The following ERVV-2 variants were observed in gnomAD, a reference collection of about 807,000 sequenced individuals.
The protein encoded by ERVV-2 is endogenous retrovirus group V member 2 Env polyprotein.
For missense variants in ERVV-2, 291 were observed against 495.1 expected (o/e 0.59, Z 3.91); for synonymous variants, 105 against 184.6 (o/e 0.57, Z 3.49).
rs566259081 is a variant in ERVV-2 at position 53,048,862 on chromosome 19, A to C, written c.-385-5A>C. The stretch of plus-strand genomic sequence containing the variant: ...CCTTTACTGTCTTACTTTCCACCCC[A>C]ACAGCTATCAACATTTCTGGCATCT... On this transcript the variant is annotated splice_region_variant and splice_polypyrimidine_tract_variant and intron_variant, in intron 1 of 1. Transcript: ENST00000601417. The C allele has an allele frequency of 2.7e-6, 1 of 367,802 alleles. No individual in the cohort carries two copies. The highest frequency in any genetic ancestry group is 2.1e-5 in the African/African-American group (1 of 47,294). 22.8% of individuals were successfully genotyped at this position (367,802 alleles called of 1,614,324 possible). A position where few individuals can be genotyped will look rare whatever the true frequency, so the allele number is the denominator to read the frequency against.
Position 53,051,060 on chromosome 19 carries a change from A to G in ERVV-2, c.*201A>G. ...AAAGGAATCTTTAGAAACGCAGCCCACTGATAGCTTCCTTGGTGATGCTGC... is the reference window on the plus strand; with the variant it reads ...AAAGGAATCTTTAGAAACGCAGCCCGCTGATAGCTTCCTTGGTGATGCTGC... On this transcript the variant is annotated 3_prime_UTR_variant, in exon 2 of 2. Transcript: ENST00000601417. 3 of 530,462 alleles carry G rather than the reference A, an allele frequency of 5.7e-6. No homozygotes were observed. The highest frequency in any genetic ancestry group is 9.8e-6 in the Non-Finnish European group (3 of 304,614). The allele number at this position is 530,462 out of a possible 1,614,324, so 32.9% of individuals were successfully genotyped here.
At position 53,050,745 on chromosome 19, in the gene ERVV-2, A is replaced by G. The variant is rs892937788; in HGVS notation, c.1494A>G (p.Gln498=). The change falls in exon 2 of 2, where the codon CAA becomes CAG. Residue 498 remains glutamine, a synonymous_variant. Coordinates refer to ENST00000601417, the MANE Select transcript of ERVV-2 (RefSeq NM_001191055.2). ...RIKQFHMKSP[Q]MERYQLSVIG... ...AGCAATTTCACATGAAGTCCCCCCA[A>G]ATGGAAAGATATCAGCTATCTGTCA... The G allele has an allele frequency of 1.3e-6, 2 of 1,536,136 alleles. No individual in the cohort carries two copies. Among genetic ancestry groups the G allele is most frequent in the Non-Finnish European group, 1.7e-6 (2 of 1,146,898 alleles).
At chr19:53,045,320 GA>G (rs57829378) in intron 1 of ERVV-2, among the ~76,000 whole-genome samples, 53,229 of 150,464 alleles carry the variant, frequency 0.35, 7,767 homozygotes, top group Middle Eastern at 0.45. Context: ...TTGTGGGGGG[GA>G]GGACAGAGTC....
chr19:53,050,613 C>A lies in ERVV-2; in HGVS notation c.1362C>A (p.Leu454=). 8.4e-7 allele frequency: 1 copy of A among 1,193,044 alleles called. No homozygotes were observed. Among genetic ancestry groups the A allele is most frequent in the Non-Finnish European group, 1.2e-6 (1 of 833,994 alleles). 73.9% of individuals were successfully genotyped at this position (1,193,044 alleles called of 1,614,324 possible). A position where few individuals can be genotyped will look rare whatever the true frequency, so the allele number is the denominator to read the frequency against. Residue 454 remains leucine, a synonymous_variant, in exon 2 of 2, where the codon CTC becomes CTA. Coordinates refer to ENST00000601417, the MANE Select transcript of ERVV-2 (RefSeq NM_001191055.2). ...CTGTGAAGTCTGCCCTCCCCTCCCT[C>A]AACTGGTTTGTCCCTTTACTGGGAC... The part of the protein sequence containing the change: ...WEAVKSALPS[L]NWFVPLLGPA...
At chr19:53,046,291 C>G (rs1018744923) in intron 1 of ERVV-2, among the ~76,000 whole-genome samples, 1 of 151,982 alleles carries the variant, frequency 6.6e-6, no homozygotes, top group Admixed American at 6.6e-5. Flanking sequence ...AGAAATCCCT[C>G]ACTTATTATT....
Position 53,050,694 on chromosome 19 carries a change from G to T in ERVV-2, c.1443G>T (p.Leu481=). 3.3e-6 allele frequency: 5 copies of T among 1,529,296 alleles called. No homozygotes were observed. The highest frequency in any genetic ancestry group is 3.5e-6 in the Non-Finnish European group (4 of 1,140,786). The allele number at this position is 1,529,296 out of a possible 1,614,324, so 94.7% of individuals were successfully genotyped here. Residue 481 remains leucine, a synonymous_variant, in exon 2 of 2, where the codon CTG becomes CTT. Transcript: ENST00000601417. Reference sequence around the variant, plus strand: ...TTGGCCCTTGTTTCTTTAATTTACTGATTAAGTGTGTCTCTTCTAGGATAA... The same window carrying T: ...TTGGCCCTTGTTTCTTTAATTTACTTATTAAGTGTGTCTCTTCTAGGATAA... ...FLFGPCFFNL[L]IKCVSSRIKQ...
At position 53,049,872 on chromosome 19, in the gene ERVV-2, C is replaced by T. The variant is rs3844441; in HGVS notation, c.621C>T (p.Pro207=). 0.38 allele frequency: 586,782 copies of T among 1,532,832 alleles called. 113,683 individuals are homozygous for T. The highest frequency in any genetic ancestry group is 0.47 in the Middle Eastern group (2,802 of 5,974). The allele number at this position is 1,532,832 out of a possible 1,614,324, so 95.0% of individuals were successfully genotyped here. The change falls in exon 2 of 2, where the codon CCC becomes CCT. Residue 207 remains proline, a synonymous_variant. Coordinates refer to ENST00000601417, the MANE Select transcript of ERVV-2 (RefSeq NM_001191055.2). ...CGCTTCCCAAGGCACACACTGTCCC[C>T]ACATGGCCAAAATCTACTGTTCCCC... The part of the protein sequence containing the change: ...LYSLPKAHTV[P]TWPKSTVPLG...
rs991255419 is a variant in ERVV-2, at chr19:53,051,320, A to G, written c.*461A>G. 6.6e-6 allele frequency among the ~76,000 whole-genome samples: 1 copy of G among 151,362 alleles called. No individual in the cohort carries two copies. Among genetic ancestry groups the G allele is most frequent in the Non-Finnish European group, 1.5e-5 (1 of 67,890 alleles). On this transcript the variant is annotated 3_prime_UTR_variant, in exon 2 of 2. Coordinates refer to ENST00000601417, the MANE Select transcript of ERVV-2 (RefSeq NM_001191055.2). The stretch of plus-strand genomic sequence containing the variant: ...TGCCGCCATGCCCGGCTAATTTTGT[A>G]TTTTTAGTAGAGATGGGGTTTCACC...
At chr19:53,048,503 C>T (rs2083899138) in intron 1 of ERVV-2, among the ~76,000 whole-genome samples, 1 of 151,808 alleles carries the variant, frequency 6.6e-6, no homozygotes, top group South Asian at 2.1e-4. Flanking sequence ...TGTGGAGAAA[C>T]CTTGTCTACT....
At chr19:53,046,773 T>A (rs1194118217) in intron 1 of ERVV-2, among the ~76,000 whole-genome samples, 1 of 152,206 alleles carries the variant, frequency 6.6e-6, no homozygotes, top group South Asian at 2.1e-4. Flanking sequence ...AGACCTAGGC[T>A]GGGCGCATTG....
intron 1 of ERVV-2, among the ~76,000 whole-genome samples, chr19:53,048,559 C>T (rs2083899345): frequency 6.6e-6 from 1 of 150,498 alleles, no homozygotes; most frequent in South Asian, 2.1e-4. Flanking sequence ...CCTGTAATCC[C>T]AGCTACTCGG....
chr19:53,045,337 C>G (rs1411613550), intron 1 of ERVV-2, among the ~76,000 whole-genome samples: 1 of 151,836 alleles, frequency 6.6e-6, no homozygotes, highest in Non-Finnish European at 1.5e-5. Context: ...GAGTCTCACT[C>G]TGTCGCCCAG....
rs2083913408 is a variant in ERVV-2, at chr19:53,051,292, A to G, written c.*433A>G. Among the ~76,000 whole-genome samples, 1 of 151,842 alleles carries G rather than the reference A, an allele frequency of 6.6e-6. No individual in the cohort carries two copies. Among genetic ancestry groups the G allele is most frequent in the African/African-American group, 2.4e-5 (1 of 41,304 alleles). On this transcript the variant is annotated 3_prime_UTR_variant, in exon 2 of 2. Transcript: ENST00000601417. ...CTCCTCAGTAGCTGGGACTACAGGCATGTGCCGCCATGCCCGGCTAATTTT... is the reference window on the plus strand; with the variant it reads ...CTCCTCAGTAGCTGGGACTACAGGCGTGTGCCGCCATGCCCGGCTAATTTT...
chr19:53,046,745 T>A (rs1040401401), intron 1 of ERVV-2, among the ~76,000 whole-genome samples: 1 of 152,122 alleles, frequency 6.6e-6, no homozygotes, highest in Non-Finnish European at 1.5e-5. Context: ...ATTAGCCCAA[T>A]ATCATTATGT....
chr19:53,047,238 C>T (rs1465420714), intron 1 of ERVV-2, among the ~76,000 whole-genome samples: 2 of 151,848 alleles, frequency 1.3e-5, no homozygotes, highest in Non-Finnish European at 1.5e-5. Flanking sequence ...ATCCCAGCTA[C>T]TCAGGAGGCT....
intron 1 of ERVV-2, among the ~76,000 whole-genome samples, chr19:53,047,481 C>T (rs1425173610): frequency 2.6e-5 from 4 of 152,212 alleles, no homozygotes; most frequent in African/African-American, 9.7e-5. Flanking sequence ...CATTCTTCCA[C>T]CCGTCCTTAC....
At position 53,049,947 on chromosome 19, in the gene ERVV-2, G is replaced by T. The variant is rs2083905350; in HGVS notation, c.696G>T (p.Trp232Cys). The T allele has an allele frequency of 4.6e-6, 7 of 1,521,774 alleles. No individual in the cohort carries two copies. Among genetic ancestry groups the T allele is most frequent in the Non-Finnish European group, 6.1e-6 (7 of 1,139,152 alleles). The allele number at this position is 1,521,774 out of a possible 1,614,324, so 94.3% of individuals were successfully genotyped here. ...PACNQTIPAG[W>C]KSQLHKWFDS... ...GCAATCAAACTATTCCAGCAGGGTGGAAATCGCAGTTACACAAGTGGTTCG... is the reference window on the plus strand; with the variant it reads ...GCAATCAAACTATTCCAGCAGGGTGTAAATCGCAGTTACACAAGTGGTTCG... The change falls in exon 2 of 2, where the codon TGG (tryptophan) becomes TGT (cysteine). Residue 232 changes from tryptophan to cysteine, a missense_variant. Physicochemically the swap from Trp to Cys is radical, Grantham distance 215. Transcript: ENST00000601417.
chr19:53,047,835 T>TC (rs972091674), intron 1 of ERVV-2, among the ~76,000 whole-genome samples: 9 of 152,134 alleles, frequency 5.9e-5, no homozygotes, highest in African/African-American at 1.9e-4. Flanking sequence ...AAAAGGTTGA[T>TC]CCCCAGATTG....
intron 1 of ERVV-2, among the ~76,000 whole-genome samples, chr19:53,048,366 A>G (rs1377282440): frequency 6.6e-6 from 1 of 151,342 alleles, no homozygotes; most frequent in Non-Finnish European, 1.5e-5. Context: ...CAAGAGCAAT[A>G]CTACATCTCA....
Sources: gnomAD v4.1 joint callset for allele counts (sites outside exome capture counted in the v4.1 genomes callset) on GRCh38, gnomAD v4.1.1 for gene constraint, MANE v1.5 for transcripts, NCBI Gene and HGNC (gene_info 2026-07-23, HGNC 2026-07-21) for gene names.